DLC1: variants seen among roughly 807,000 people sequenced by gnomAD.
DLC1 encodes the protein rho GTPase-activating protein 7.
Under a neutral mutation model 140.3 loss-of-function variants are expected in DLC1, and 54 were observed. That is an observed-to-expected ratio of 0.38 (90% CI 0.31 to 0.48). The LOEUF (loss-of-function observed/expected upper bound fraction) is 0.48. Ranked by LOEUF, DLC1 falls within the 20% of genes least tolerant of loss-of-function variation. The pLI is 0.96. For missense variants in DLC1, 2,536 were observed against 1,907.0 expected, an observed-to-expected ratio of 1.33 and a Z score of -6.14; for synonymous variants, 986 against 728.1, an observed-to-expected ratio of 1.35 and a Z score of -5.70.
chr8:13,088,379 C>A, intron 16 of DLC1, 108 bp downstream of exon 16: 1 of 1,297,002 alleles, frequency 7.7e-7, no homozygotes, highest in Non-Finnish European at 1.1e-6. Context: ...ACCATATGCC[C>A]GGCCTCTACT....
intron 5 of DLC1, among the ~76,000 whole-genome samples, chr8:13,226,550 ATCT>A (rs753035929): frequency 1.3e-5 from 2 of 152,194 alleles, no homozygotes; most frequent in African/African-American, 2.4e-5. Flanking sequence ...TGGAAATGTG[ATCT>A]TCTCTTAGCA....
At chr8:13,545,519 G>A (rs981717913) in intron 1 of DLC1, among the ~76,000 whole-genome samples, 2 of 151,826 alleles carry the variant, frequency 1.3e-5, no homozygotes, top group South Asian at 2.1e-4. Context: ...TGCATTGTAT[G>A]ACAAGGTTTA....
chr8:13,366,488 A>C (rs1449857156), intron 4 of DLC1, among the ~76,000 whole-genome samples: 1 of 152,188 alleles, frequency 6.6e-6, no homozygotes, highest in Non-Finnish European at 1.5e-5. Flanking sequence ...CTAGCCTTTG[A>C]GGATAAATAA....
At position 13,090,348 on chromosome 8, in the gene DLC1, C is replaced by A; in HGVS notation, c.3978G>T (p.Gln1326His). 3 of 1,614,166 alleles carry A rather than the reference C, an allele frequency of 1.9e-6. No individual in the cohort carries two copies. The highest frequency in any genetic ancestry group is 2.7e-5 in the African/African-American group (2 of 75,038). ...CTTTAAACAGGCCATCCACACAGTC[C>A]TGGAGGAAGTGTTGGTAGTCAGCTG... The part of the protein sequence containing the change: ...DDSADYQHFL[Q>H]DCVDGLFKEV... The change falls in exon 15 of 18, where the codon CAG (glutamine) becomes CAT (histidine). Residue 1326 changes from glutamine to histidine, a missense_variant. Transcript: ENST00000276297.
chr8:13,331,743 T>A (rs1266959522), intron 4 of DLC1, among the ~76,000 whole-genome samples: 1 of 152,162 alleles, frequency 6.6e-6, no homozygotes, highest in Admixed American at 6.5e-5. Flanking sequence ...TATTTTCTAC[T>A]TTCTGTTTAA....
intron 5 of DLC1, among the ~76,000 whole-genome samples, chr8:13,131,682 T>A (rs1822097959): frequency 6.6e-6 from 1 of 152,164 alleles, no homozygotes; most frequent in Non-Finnish European, 1.5e-5. Flanking sequence ...AACCTGCTAA[T>A]CACTTTACTT....
chr8:13,598,384 G>C (rs531317364), intron 1 of DLC1, among the ~76,000 whole-genome samples: 11 of 151,520 alleles, frequency 7.3e-5, no homozygotes, highest in African/African-American at 2.6e-4. Context: ...GGACCACTTA[G>C]ACAAAAGCTG....
Position 13,408,504 on chromosome 8 carries a change from T to G in DLC1, c.1024-6885A>C, listed in dbSNP as rs531816236. On this transcript the variant is annotated intron_variant, in intron 2 of 17. Coordinates refer to ENST00000276297, the MANE Select transcript of DLC1 (RefSeq NM_182643.3). ...AACTTTTGTAACTTCCATACACAGTTTCCTGAGTAGTTTCAAAGGATATTG... is the reference window on the plus strand; with the variant it reads ...AACTTTTGTAACTTCCATACACAGTGTCCTGAGTAGTTTCAAAGGATATTG... Among the ~76,000 whole-genome samples, 7 of 152,316 alleles carry G rather than the reference T, an allele frequency of 4.6e-5. No homozygotes were observed. The South Asian group carries it at 1.4e-3, about 32-fold the overall frequency.
intron 5 of DLC1, among the ~76,000 whole-genome samples, chr8:13,221,775 T>G (rs118165624): frequency 7.0e-6 from 1 of 143,512 alleles, no homozygotes; most frequent in East Asian, 2.0e-4. Flanking sequence ...TATTAATATA[T>G]TAATATAAAA....
intron 2 of DLC1, among the ~76,000 whole-genome samples, chr8:13,425,281 G>A (rs372838575): frequency 1.0e-3 from 153 of 152,282 alleles, no homozygotes; most frequent in Middle Eastern, 6.8e-3. Context: ...TTGAAACGTT[G>A]CCAGGAACAC....
At chr8:13,132,905 C>G in intron 5 of DLC1, 1 of 1,569,570 alleles carries the variant, frequency 6.4e-7, no homozygotes, top group South Asian at 1.2e-5. Flanking sequence ...CAGCCCGCTC[C>G]CGCGGCCAGC....
intron 7 of DLC1, among the ~76,000 whole-genome samples, chr8:13,106,110 G>A (rs1819544108): frequency 2.0e-5 from 3 of 152,098 alleles, no homozygotes; most frequent in African/African-American, 7.2e-5. Flanking sequence ...GTGCAAGGCT[G>A]GCCTATCAGA....
intron 5 of DLC1, among the ~76,000 whole-genome samples, chr8:13,280,696 C>A (rs893688717): frequency 2.6e-5 from 4 of 152,146 alleles, no homozygotes; most frequent in Non-Finnish European, 4.4e-5. Context: ...CCACTTTGGT[C>A]TTATGGCCAC....
intron 1 of DLC1, among the ~76,000 whole-genome samples, chr8:13,572,086 TTA>T (rs1418374047): frequency 3.0e-5 from 2 of 66,590 alleles, no homozygotes; most frequent in South Asian, 1.5e-3. Context: ...ATTATTATTA[TTA>T]TTATTTATTT....
chr8:13,534,364 A>G (rs1054952779), intron 1 of DLC1, among the ~76,000 whole-genome samples: 2 of 152,080 alleles, frequency 1.3e-5, no homozygotes, highest in African/African-American at 4.8e-5. Flanking sequence ...TTTTCCACTT[A>G]AGTACACACA....
intron 5 of DLC1, among the ~76,000 whole-genome samples, chr8:13,268,871 CCTTT>C (rs1563211976): frequency 6.9e-6 from 1 of 145,982 alleles, no homozygotes; most frequent in Non-Finnish European, 1.5e-5. Flanking sequence ...GTGCTTCCTT[CCTTT>C]TTTTTTTTTT....
chr8:13,345,846 G>A (rs1046575149), intron 4 of DLC1, among the ~76,000 whole-genome samples: 6 of 152,054 alleles, frequency 3.9e-5, no homozygotes, highest in Non-Finnish European at 5.9e-5. Context: ...GGCATCAGCC[G>A]CTGCATCTGG....
chr8:13,147,561 G>A (rs1044455998), intron 5 of DLC1, among the ~76,000 whole-genome samples: 1 of 152,168 alleles, frequency 6.6e-6, no homozygotes, highest in African/African-American at 2.4e-5. Context: ...GAATTTAAGT[G>A]TATAATGAAG....
intron 2 of DLC1, among the ~76,000 whole-genome samples, chr8:13,474,085 C>T (rs1260562865): frequency 6.6e-6 from 1 of 152,138 alleles, no homozygotes; most frequent in Non-Finnish European, 1.5e-5. Flanking sequence ...CATGGCAGCC[C>T]CTCCCATCAA....
Sources: allele counts gnomAD v4.1 joint callset (sites outside exome capture counted in the v4.1 genomes callset), GRCh38; gene constraint gnomAD v4.1.1; transcripts MANE v1.5; gene names NCBI Gene and HGNC (gene_info 2026-07-23, HGNC 2026-07-21).